TMEM114: variants seen among roughly 807,000 people sequenced by gnomAD.
TMEM114 encodes the protein claudin-26.
Under a neutral mutation model 6.2 loss-of-function variants are expected in TMEM114, and 6 were observed. The observed-to-expected ratio is 0.97, with a 90% CI of 0.53 to 1.91. The LOEUF is 1.91. TMEM114 is among the 40% of genes most tolerant of loss of function. The pLI is 0.01. For synonymous variants in TMEM114, 104 were observed against 73.0 expected (o/e 1.42, Z -2.16); for missense variants, 218 against 158.3 (o/e 1.38, Z -2.02).
At chr16:8,570,140 G>C in intron 3 of TMEM114, 135 bp from the exon 4 acceptor site, 1 of 1,226,934 alleles carries the variant, frequency 8.2e-7, no homozygotes, top group Non-Finnish European at 1.1e-6. Flanking sequence ...ACCTTTGCGC[G>C]TGCTAGTCTC....
chr16:8,575,206 G>T (rs1394928169), intron 2 of TMEM114, among the ~76,000 whole-genome samples: 1 of 152,168 alleles, frequency 6.6e-6, no homozygotes, highest in Non-Finnish European at 1.5e-5. Context: ...TTGGACAAAT[G>T]ACTGGACCAC....
chr16:8,534,932 T>C (rs1328782713), downstream of TMEM114, among the ~76,000 whole-genome samples: 3 of 152,254 alleles, frequency 2.0e-5, no homozygotes, highest in East Asian at 5.8e-4. Flanking sequence ...CTTAGGTCCC[T>C]GTGCAAGTTC....
chr16:8,557,665 C>G (rs764468208), intron 2 of TMEM114, among the ~76,000 whole-genome samples: 3 of 152,166 alleles, frequency 2.0e-5, no homozygotes, highest in Non-Finnish European at 4.4e-5. Flanking sequence ...TTTCCAGAAC[C>G]AACTTACCCA....
chr16:8,579,580 A>G (rs1056986067), intron 2 of TMEM114, among the ~76,000 whole-genome samples: 2 of 152,116 alleles, frequency 1.3e-5, no homozygotes, highest in Admixed American at 1.3e-4. Flanking sequence ...CGTGGGTTCA[A>G]ATCCTGACTC....
At chr16:8,587,495 G>C (rs1363975477) in intron 2 of TMEM114, among the ~76,000 whole-genome samples, 11 of 152,204 alleles carry the variant, frequency 7.2e-5, no homozygotes, top group Admixed American at 5.9e-4. Flanking sequence ...GATAAAAGCA[G>C]GGAGATTCCA....
chr16:8,529,703 G>A, the TMEM114 span, among the ~76,000 whole-genome samples: 1 of 151,474 alleles, frequency 6.6e-6, no homozygotes, highest in African/African-American at 2.4e-5. Flanking sequence ...ATCCTAGCTG[G>A]ACACTGGAAT....
At chr16:8,559,930 C>G (rs912879377) in intron 2 of TMEM114, among the ~76,000 whole-genome samples, 1 of 152,148 alleles carries the variant, frequency 6.6e-6, no homozygotes, top group Admixed American at 6.5e-5. Context: ...AAGTGGGCGG[C>G]TTAGCTGGGC....
intron 2 of TMEM114, among the ~76,000 whole-genome samples, chr16:8,561,228 C>T (rs1371142609): frequency 4.6e-5 from 7 of 152,228 alleles, no homozygotes; most frequent in Non-Finnish European, 7.3e-5. Context: ...TTCCCCTTCC[C>T]TTGCCTATAG....
intron 2 of TMEM114, among the ~76,000 whole-genome samples, chr16:8,584,831 A>G (rs1902263187): frequency 6.6e-6 from 1 of 151,092 alleles, no homozygotes. Flanking sequence ...CTGAGGCAGA[A>G]GAATTGCTTA....
chr16:8,529,058 G>T, the TMEM114 span, among the ~76,000 whole-genome samples: 1 of 152,178 alleles, frequency 6.6e-6, no homozygotes, highest in Non-Finnish European at 1.5e-5. Context: ...CTCAGAAGAG[G>T]GCTTTAGAGA....
Position 8,590,271 on chromosome 16 carries a change from T to G in TMEM114, c.-433A>C. 1 of 163,888 alleles carries G rather than the reference T, an allele frequency of 6.1e-6. No individual in the cohort carries two copies. The allele number at this position is 163,888 out of a possible 1,614,324, so 10.2% of individuals were successfully genotyped here. ...ACTCTCTCACTTCAAAATCCTCACT[T>G]TCCCCAGACTCCTACTCCCTCCATT... On this transcript the variant is annotated 5_prime_UTR_variant, in exon 1 of 4. Transcript: ENST00000620492.
At chr16:8,532,325 C>A in the TMEM114 span, among the ~76,000 whole-genome samples, 1 of 152,108 alleles carries the variant, frequency 6.6e-6, no homozygotes, top group African/African-American at 2.4e-5. Context: ...TTGTCCAAGC[C>A]ACATCCTCTC....
At chr16:8,538,208 A>G (rs1270316964) in intron 2 of TMEM114, among the ~76,000 whole-genome samples, 1 of 151,094 alleles carries the variant, frequency 6.6e-6, no homozygotes, top group Non-Finnish European at 1.5e-5. Context: ...AGGAGGCTGA[A>G]GTAGGAGGAT....
At chr16:8,551,981 C>G (rs1260315739) in intron 2 of TMEM114, among the ~76,000 whole-genome samples, 1 of 152,146 alleles carries the variant, frequency 6.6e-6, no homozygotes, top group Non-Finnish European at 1.5e-5. Flanking sequence ...AGCCAGTCTC[C>G]AAAGATTCTA....
chr16:8,572,206 A>G lies in TMEM114; in HGVS notation c.320T>C (p.Val107Ala). ...RQLLTMHGTF[V>A]ILLPLSLILM... The stretch of plus-strand genomic sequence containing the variant: ...GATCAGGCTGAGCGGCAGCAGAATC[A>G]CAAATGTCCCATGCATGGCTTAGAA... Residue 107 changes from valine (V) to alanine (A), a missense_variant, in exon 3 of 4, where the codon GTG becomes GCG. Coordinates refer to ENST00000620492, the MANE Select transcript of TMEM114 (RefSeq NM_001146336.2). 4 of 1,551,714 alleles carry G rather than the reference A, an allele frequency of 2.6e-6. No homozygotes were observed. The highest frequency in any genetic ancestry group is 3.5e-6 in the Non-Finnish European group (4 of 1,146,988).
In TMEM114 at chr16:8,589,487, C is replaced by T. The variant is rs925800847; in HGVS notation, c.220+132G>A. On this transcript the variant is annotated intron_variant, in intron 1 of 3. Transcript: ENST00000620492. ...GTCCCGGCCTTCTGCTCACCTTCCC[C>T]CCGAGTCCCTAGACATTGTATTTTA... 99 of 398,078 alleles carry T rather than the reference C, an allele frequency of 2.5e-4. 1 individual carries two copies. The East Asian group carries it at 3.1e-3, about 12-fold the overall frequency. 24.7% of individuals were successfully genotyped at this position (398,078 alleles called of 1,614,324 possible).
Position 8,544,344 on chromosome 16 carries a change from C to G in TMEM114, n.213-6518G>C, listed in dbSNP as rs187883223. ...AGCATTAACTGAGCCAGGCATCAAGCTGGGTCCTGTGCATATAGAGAAGAA... is the reference window on the plus strand; with the variant it reads ...AGCATTAACTGAGCCAGGCATCAAGGTGGGTCCTGTGCATATAGAGAAGAA... On this transcript the variant is annotated intron_variant and non_coding_transcript_variant, in intron 2 of 2. Transcript: ENST00000623677. 4.4e-4 allele frequency among the ~76,000 whole-genome samples: 67 copies of G among 152,314 alleles called. No individual in the cohort carries two copies. The Middle Eastern group carries it at 0.01, about 23-fold the overall frequency.
At chr16:8,572,733 G>A (rs1901777451) in intron 2 of TMEM114, among the ~76,000 whole-genome samples, 1 of 152,172 alleles carries the variant, frequency 6.6e-6, no homozygotes, top group African/African-American at 2.4e-5. Flanking sequence ...ACTGTGCCTG[G>A]CCAGAGCTGG....
intron 2 of TMEM114, among the ~76,000 whole-genome samples, chr16:8,562,206 GAATGAGTGAGTA>G (rs1301704318): frequency 2.7e-5 from 4 of 150,234 alleles, no homozygotes; most frequent in Admixed American, 6.7e-5. Context: ...ATGAGTCAGT[GAATGAGTGAGTA>G]AATGAGTGAG....
Sources: gnomAD v4.1 joint callset for allele counts (sites outside exome capture counted in the v4.1 genomes callset) on GRCh38, gnomAD v4.1.1 for gene constraint, MANE v1.5 for transcripts, NCBI Gene and HGNC (gene_info 2026-07-23, HGNC 2026-07-21) for gene names.